Variants in STIM1 observed in about 807,000 individuals in gnomAD.
The protein encoded by STIM1 is stromal interaction molecule 1.
STIM1 carries 25 observed loss-of-function variants against 74.7 expected under a neutral mutation model. The observed-to-expected ratio is 0.33, with a 90% CI of 0.24 to 0.47. The LOEUF (loss-of-function observed/expected upper bound fraction) is 0.47. Ranked by LOEUF, STIM1 falls within the 20% of genes least tolerant of loss-of-function variation. STIM1 has a pLI of 1.00. For missense variants in STIM1, 728 were observed against 920.8 expected (o/e 0.79, Z 2.71); for synonymous variants, 328 against 348.8 (o/e 0.94, Z 0.66).
intron 1 of STIM1, among the ~76,000 whole-genome samples, chr11:3,908,598 C>T (rs535543497): frequency 2.5e-4 from 31 of 125,356 alleles, no homozygotes; most frequent in African/African-American, 9.2e-4. Context: ...GGTGACAGAG[C>T]GAGACTCCAT....
At chr11:3,876,895 T>C (rs1478947863) in intron 1 of STIM1, among the ~76,000 whole-genome samples, 1 of 152,186 alleles carries the variant, frequency 6.6e-6, no homozygotes, top group Non-Finnish European at 1.5e-5. Context: ...TAGTAGGCTC[T>C]CAAAAAATAT....
intron 3 of STIM1, among the ~76,000 whole-genome samples, chr11:4,051,707 C>T (rs546519624): frequency 1.0e-3 from 154 of 152,164 alleles, no homozygotes; most frequent in African/African-American, 3.5e-3. Context: ...AGTGCAGTGG[C>T]GTGATCATGG....
At chr11:4,064,932 A>G (rs2094355676) in intron 5 of STIM1, among the ~76,000 whole-genome samples, 1 of 152,212 alleles carries the variant, frequency 6.6e-6, no homozygotes, top group Non-Finnish European at 1.5e-5. Context: ...TTCTACTTCC[A>G]TTAGAGGAAA....
intron 1 of STIM1, among the ~76,000 whole-genome samples, chr11:3,937,168 G>A (rs1007514691): frequency 6.6e-6 from 1 of 151,874 alleles, no homozygotes; most frequent in Non-Finnish European, 1.5e-5. Flanking sequence ...GCATGCATCT[G>A]TAGTCCTAGC....
chr11:3,854,840 A>C (rs1301953529), upstream of STIM1: 1 of 152,342 alleles, frequency 6.6e-6, no homozygotes, highest in Non-Finnish European at 1.5e-5. Context: ...GCCCAGACTC[A>C]AGGAATGTGT....
At position 3,895,720 on chromosome 11, in the gene STIM1, TTCTTTCTTTCTTTCTTTTTC is replaced by T. The variant is rs1343845213; in HGVS notation, c.139+39313_139+39332del. On this transcript the variant is annotated intron_variant, in intron 1 of 12. Transcript: ENST00000526596. ...TTTCTTTCTTTCTTTCTTTCTTTCT[TTCTTTCTTTCTTTCTTTTTC>T]TTTCTTCCTTCCTTCCTTCCTTCCT... Among the ~76,000 whole-genome samples the T allele has an allele frequency of 4.1e-3, 163 of 39,816 alleles. 1 individual carries two copies. The highest frequency in any genetic ancestry group is 9.1e-3 in the African/African-American group (55 of 6,052). The allele number at this position is 39,816 out of a possible 152,430, so 26.1% of individuals were successfully genotyped here.
At chr11:4,075,715 A>C (rs1211264915) in intron 7 of STIM1, among the ~76,000 whole-genome samples, 1 of 152,232 alleles carries the variant, frequency 6.6e-6, no homozygotes, top group East Asian at 1.9e-4. Flanking sequence ...CTTGGTGGGC[A>C]TAAGCCCTCA....
chr11:4,091,901 G>A lies in STIM1; in HGVS notation c.*103G>A. 6.7e-7 allele frequency: 1 copy of A among 1,496,652 alleles called. No individual in the cohort carries two copies. The highest frequency in any genetic ancestry group is 9.1e-7 in the Non-Finnish European group (1 of 1,102,240). 92.7% of individuals were successfully genotyped at this position (1,496,652 alleles called of 1,614,324 possible). Reference sequence around the variant, plus strand: ...ATAACTGGCCCCAAGAGTGGGGCATGGGAAGGGCTGGTCCAGGGGTCTGGG... The same window carrying A: ...ATAACTGGCCCCAAGAGTGGGGCATAGGAAGGGCTGGTCCAGGGGTCTGGG... On this transcript the variant is annotated 3_prime_UTR_variant, in exon 13 of 13. Transcript: ENST00000526596.
chr11:3,858,242 TTTTTGTTTTTTG>T (rs2090460103), intron 1 of STIM1, among the ~76,000 whole-genome samples: 1 of 132,416 alleles, frequency 7.6e-6, no homozygotes, highest in Non-Finnish European at 1.8e-5. Flanking sequence ...GGTTTTTTTT[TTTTTGTTTTTTG>T]TTTTTCGCCT....
intron 1 of STIM1, among the ~76,000 whole-genome samples, chr11:3,954,963 C>G (rs2093193687): frequency 6.6e-6 from 1 of 152,150 alleles, no homozygotes. Flanking sequence ...CTCATAATAG[C>G]TTTATTTGTA....
chr11:4,017,495 A>G (rs1393277441), intron 2 of STIM1, among the ~76,000 whole-genome samples: 1 of 152,066 alleles, frequency 6.6e-6, no homozygotes, highest in Admixed American at 6.5e-5. Context: ...ATCAGACTTG[A>G]CTATAAAAAT....
chr11:3,956,650 T>A (rs2093216847), intron 1 of STIM1, among the ~76,000 whole-genome samples: 1 of 151,230 alleles, frequency 6.6e-6, no homozygotes, highest in Non-Finnish European at 1.5e-5. Context: ...TAGAAAAAAA[T>A]TCTGACATTT....
At chr11:4,061,506 G>A (rs1056140370) in intron 5 of STIM1, among the ~76,000 whole-genome samples, 1 of 152,172 alleles carries the variant, frequency 6.6e-6, no homozygotes, top group African/African-American at 2.4e-5. Flanking sequence ...TTGTGTTGGC[G>A]AGGGTATAGA....
At chr11:4,037,365 A>G (rs2094112716) in intron 3 of STIM1, among the ~76,000 whole-genome samples, 1 of 152,178 alleles carries the variant, frequency 6.6e-6, no homozygotes, top group East Asian at 1.9e-4. Flanking sequence ...TACTTGTTCT[A>G]TCAATTGTTA....
At chr11:3,862,428 G>C (rs1383191630) in intron 1 of STIM1, among the ~76,000 whole-genome samples, 1 of 152,130 alleles carries the variant, frequency 6.6e-6, no homozygotes, top group Non-Finnish European at 1.5e-5. Flanking sequence ...AAGCCTTGTA[G>C]AATGCTCTGT....
chr11:3,972,462 C>CT (rs924426991), intron 2 of STIM1, among the ~76,000 whole-genome samples: 3 of 151,840 alleles, frequency 2.0e-5, no homozygotes, highest in South Asian at 2.1e-4. Flanking sequence ...ATTTTCATTT[C>CT]TTTTTTTTAT....
intron 3 of STIM1, among the ~76,000 whole-genome samples, chr11:4,035,744 T>G (rs367850315): frequency 5.3e-5 from 8 of 152,098 alleles, no homozygotes; most frequent in Non-Finnish European, 1.2e-4. Context: ...TTTTCTTTCA[T>G]GTCCTAGGAC....
intron 1 of STIM1, chr11:3,892,442 T>C: frequency 1.3e-6 from 2 of 1,482,402 alleles, no homozygotes; most frequent in Non-Finnish European, 1.9e-6. Flanking sequence ...GGTCTTGCCA[T>C]TCCTGGACCC....
At chr11:4,091,131 C>T (rs1378233417) in intron 12 of STIM1, 151 bp from the exon 13 acceptor site, 2 of 1,032,776 alleles carry the variant, frequency 1.9e-6, no homozygotes, top group Middle Eastern at 2.8e-4. Flanking sequence ...TCCCACCTGC[C>T]TGTTCATCCT....
Sources: allele counts gnomAD v4.1 joint callset (sites outside exome capture counted in the v4.1 genomes callset), GRCh38; gene constraint gnomAD v4.1.1; transcripts MANE v1.5; gene names NCBI Gene and HGNC (gene_info 2026-07-23, HGNC 2026-07-21).